IMMP2L: variants seen among roughly 807,000 people sequenced by gnomAD.
The protein encoded by IMMP2L is inner mitochondrial membrane peptidase subunit 2.
Under a neutral mutation model 19.3 loss-of-function variants are expected in IMMP2L, and 18 were observed. The observed-to-expected ratio is 0.93, with a 90% CI of 0.64 to 1.38. The LOEUF (loss-of-function observed/expected upper bound fraction) is 1.38. Ranked by LOEUF, IMMP2L falls within the 40% of genes most tolerant of loss-of-function variation. The pLI is 0.00. For synonymous variants in IMMP2L, 76 were observed against 73.0 expected (o/e 1.04, Z -0.21); for missense variants, 233 against 218.2 (o/e 1.07, Z -0.43).
intron 4 of IMMP2L, among the ~76,000 whole-genome samples, chr7:110,943,591 T>G (rs1330462140): frequency 6.6e-6 from 1 of 151,974 alleles, no homozygotes; most frequent in Admixed American, 6.6e-5. Context: ...CCTGAGACTA[T>G]TAATACCTTG....
chr7:111,070,980 C>T (rs1322400398), intron 3 of IMMP2L, among the ~76,000 whole-genome samples: 1 of 151,908 alleles, frequency 6.6e-6, no homozygotes, highest in African/African-American at 2.4e-5. Context: ...TTATATATTA[C>T]TAAAAGTTTA....
At chr7:111,474,878 C>G (rs920434944) in intron 3 of IMMP2L, among the ~76,000 whole-genome samples, 7 of 152,054 alleles carry the variant, frequency 4.6e-5, no homozygotes, top group African/African-American at 1.4e-4. Flanking sequence ...ATGATTCTTA[C>G]TTAATTCTAT....
chr7:111,050,133 A>T (rs1189147079), intron 3 of IMMP2L, among the ~76,000 whole-genome samples: 1 of 152,226 alleles, frequency 6.6e-6, no homozygotes, highest in Non-Finnish European at 1.5e-5. Context: ...TGAAGTATAT[A>T]ATAGGCATTC....
chr7:111,437,689 G>A (rs1837318520), intron 3 of IMMP2L, among the ~76,000 whole-genome samples: 1 of 151,606 alleles, frequency 6.6e-6, no homozygotes, highest in Non-Finnish European at 1.5e-5. Context: ...ACAATGTATG[G>A]TATCTATTTT....
At chr7:111,074,209 T>C (rs765473975) in intron 3 of IMMP2L, among the ~76,000 whole-genome samples, 6 of 152,212 alleles carry the variant, frequency 3.9e-5, no homozygotes, top group Non-Finnish European at 8.8e-5. Flanking sequence ...ATACGTTAAA[T>C]TGAAGTCAGA....
rs536364155 is a variant in IMMP2L at position 110,877,927 on chromosome 7, A to G, written c.408+8666T>C. On this transcript the variant is annotated intron_variant, in intron 5 of 5. Coordinates refer to ENST00000405709, the MANE Select transcript of IMMP2L (RefSeq NM_032549.4). This position sits in a 1 kb window ranked among gnomAD's most constrained non-coding sequence, Gnocchi z 4.0. ...CTAAAAATAAAAAACAAAAAACAAA[A>G]AGCACAATGGATTGATTCCAAATGC... 4.5e-4 allele frequency among the ~76,000 whole-genome samples: 68 copies of G among 152,294 alleles called. No individual in the cohort carries two copies. Among genetic ancestry groups the G allele is most frequent in the African/African-American group, 1.6e-3 (66 of 41,586 alleles).
chr7:110,946,496 T>C (rs1817260833), intron 4 of IMMP2L, among the ~76,000 whole-genome samples: 1 of 152,158 alleles, frequency 6.6e-6, no homozygotes, highest in African/African-American at 2.4e-5. Context: ...CAGGTAAATG[T>C]ATCAAAGTTA....
chr7:111,105,134 A>G (rs1174071853), intron 3 of IMMP2L, among the ~76,000 whole-genome samples: 1 of 151,840 alleles, frequency 6.6e-6, no homozygotes, highest in African/African-American at 2.4e-5. Context: ...TAGACTGTAA[A>G]TATGTGTTTT....
At chr7:111,208,284 AT>A in intron 3 of IMMP2L, among the ~76,000 whole-genome samples, 1 of 152,332 alleles carries the variant, frequency 6.6e-6, no homozygotes, top group African/African-American at 2.4e-5. Context: ...TGATACAATT[AT>A]TTTATTTACT....
intron 3 of IMMP2L, among the ~76,000 whole-genome samples, chr7:111,457,431 T>C (rs1839770167): frequency 6.6e-6 from 1 of 152,152 alleles, no homozygotes; most frequent in African/African-American, 2.4e-5. Flanking sequence ...CCAACCATAC[T>C]ACTTGACTAA....
At position 111,025,516 on chromosome 7, in the gene IMMP2L, C is replaced by T. The variant is rs75380014; in HGVS notation, c.240-61951G>A. On this transcript the variant is annotated intron_variant, in intron 3 of 5. Transcript: ENST00000405709. ...ATTTCCATCTAAATAAAACAGGTTG[C>T]GCCTAAATGGTTAATTCTTAAACAT... is the stretch of plus-strand genomic sequence containing the variant. Among the ~76,000 whole-genome samples the T allele has an allele frequency of 7.4e-3, 1,133 of 152,180 alleles. 16 individuals are homozygous for T. Among genetic ancestry groups the T allele is most frequent in the African/African-American group, 0.026 (1,088 of 41,526 alleles).
At chr7:110,938,083 A>G (rs530225262) in intron 4 of IMMP2L, among the ~76,000 whole-genome samples, 6 of 152,136 alleles carry the variant, frequency 3.9e-5, no homozygotes, top group African/African-American at 9.6e-5. Flanking sequence ...CCCAGTATGC[A>G]TATCAGTTCA....
chr7:110,868,560 T>G (rs1457528009), intron 5 of IMMP2L, among the ~76,000 whole-genome samples: 1 of 152,098 alleles, frequency 6.6e-6, no homozygotes, highest in Non-Finnish European at 1.5e-5. Context: ...CATTAAACTT[T>G]TGAGTGTCAG....
At chr7:111,414,315 T>C (rs1436991032) in intron 3 of IMMP2L, among the ~76,000 whole-genome samples, 1 of 151,804 alleles carries the variant, frequency 6.6e-6, no homozygotes, top group Non-Finnish European at 1.5e-5. Context: ...GGTGCATCCA[T>C]GTAATCAAAT....
At chr7:111,146,207 A>G (rs1253063231) in intron 3 of IMMP2L, among the ~76,000 whole-genome samples, 3 of 142,186 alleles carry the variant, frequency 2.1e-5, no homozygotes, top group Non-Finnish European at 4.6e-5. Context: ...TGTCAATATA[A>G]CATGGTTTTT....
intron 5 of IMMP2L, among the ~76,000 whole-genome samples, chr7:110,863,611 G>T (rs1807681917): frequency 6.6e-6 from 1 of 152,068 alleles, no homozygotes; most frequent in South Asian, 2.1e-4. Flanking sequence ...CTCAATAGTG[G>T]CAATGAGCCA....
intron 3 of IMMP2L, among the ~76,000 whole-genome samples, chr7:111,368,258 G>A (rs1829968302): frequency 6.6e-6 from 1 of 151,774 alleles, no homozygotes; most frequent in Non-Finnish European, 1.5e-5. Context: ...TTCTTTTGGG[G>A]GAATTTTCTC....
intron 3 of IMMP2L, among the ~76,000 whole-genome samples, chr7:111,343,237 T>C (rs1008942430): frequency 6.6e-5 from 10 of 152,052 alleles, no homozygotes; most frequent in Non-Finnish European, 1.0e-4. Flanking sequence ...AATGGCCCCC[T>C]GTCTACCACA....
intron 3 of IMMP2L, among the ~76,000 whole-genome samples, chr7:110,989,742 C>T: frequency 6.6e-6 from 1 of 150,916 alleles, no homozygotes; most frequent in East Asian, 1.9e-4. Flanking sequence ...AAGATAAAAA[C>T]AAAATTAAAA....
Sources: allele counts gnomAD v4.1 joint callset (sites outside exome capture counted in the v4.1 genomes callset), GRCh38; gene constraint gnomAD v4.1.1; non-coding constraint Gnocchi (gnomAD v3.1); transcripts MANE v1.5; gene names NCBI Gene and HGNC (gene_info 2026-07-23, HGNC 2026-07-21).